The following NAA15 variants were observed in gnomAD, a reference collection of about 807,000 sequenced individuals.
NAA15 encodes the protein N-terminal acetyltransferase.
NAA15 carries 34 observed loss-of-function variants against 114.0 expected under a neutral mutation model. That is an observed-to-expected ratio of 0.30 (90% CI 0.23 to 0.40). NAA15 has a LOEUF of 0.40. Ranked by LOEUF, NAA15 falls within the 10% of genes least tolerant of loss-of-function variation. NAA15 has a pLI of 1.00. For missense variants in NAA15, 658 were observed against 1,004.5 expected (o/e 0.66, Z 4.66); for synonymous variants, 340 against 338.0 (o/e 1.01, Z -0.06).
At chr4:139,346,579 T>G (rs1224835062) in intron 6 of NAA15, among the ~76,000 whole-genome samples, 2 of 151,962 alleles carry the variant, frequency 1.3e-5, no homozygotes, top group Non-Finnish European at 2.9e-5. Flanking sequence ...AGATGGAGTT[T>G]CACTCTTGTT....
chr4:139,381,816 T>A (rs1748763992), intron 17 of NAA15, among the ~76,000 whole-genome samples: 1 of 152,182 alleles, frequency 6.6e-6, no homozygotes, highest in Non-Finnish European at 1.5e-5. Flanking sequence ...TTATTCATTC[T>A]GTTAATAAGC....
At chr4:139,341,125 T>G (rs1013769789) in intron 4 of NAA15, 56 bp downstream of exon 4, 30 of 1,229,406 alleles carry the variant, frequency 2.4e-5, no homozygotes, top group Non-Finnish European at 3.1e-5. Context: ...TGTACAACTT[T>G]GAGTACTTTC....
intron 3 of NAA15, 84 bp from the exon 4 acceptor site, chr4:139,340,828 G>C: frequency 9.7e-7 from 1 of 1,030,956 alleles, no homozygotes; most frequent in Non-Finnish European, 1.4e-6. Flanking sequence ...TTTATAAATG[G>C]CTGTGGTTCT....
chr4:139,316,287 C>T (rs1002608601), intron 1 of NAA15, among the ~76,000 whole-genome samples: 3 of 151,838 alleles, frequency 2.0e-5, no homozygotes, highest in Non-Finnish European at 4.4e-5. Context: ...ACATCTACCA[C>T]CTGTTCTGTC....
intron 14 of NAA15, among the ~76,000 whole-genome samples, chr4:139,365,975 A>G (rs769492027): frequency 1.1e-4 from 17 of 151,844 alleles, no homozygotes; most frequent in Admixed American, 1.1e-3. Context: ...CCATCCATTT[A>G]TAGTTTTGTG....
intron 1 of NAA15, among the ~76,000 whole-genome samples, chr4:139,315,056 T>TTAGG (rs1560953050): frequency 0.035 from 1,446 of 40,874 alleles, 72 homozygotes; most frequent in East Asian, 0.056. Context: ...GTTAGGTTAG[T>TTAGG]TTAGTTTAGT....
intron 16 of NAA15, among the ~76,000 whole-genome samples, chr4:139,377,962 C>A (rs555143803): frequency 6.6e-6 from 1 of 152,290 alleles, no homozygotes; most frequent in African/African-American, 2.4e-5. Context: ...GTCCTAACCT[C>A]TAAAGGACCC....
chr4:139,354,190 C>A, intron 10 of NAA15, 92 bp downstream of exon 10: 1 of 936,206 alleles, frequency 1.1e-6, no homozygotes, highest in Non-Finnish European at 1.7e-6. Flanking sequence ...ATTACTTAGG[C>A]AGTAAGCACA....
intron 15 of NAA15, among the ~76,000 whole-genome samples, chr4:139,374,693 T>C (rs563013006): frequency 1.3e-5 from 2 of 152,172 alleles, no homozygotes; most frequent in Non-Finnish European, 2.9e-5. Flanking sequence ...TATGAGTAAA[T>C]ATAGAGTGTA....
At chr4:139,359,990 A>G (rs1748082431) in intron 12 of NAA15, 95 bp downstream of exon 12, 1 of 1,189,988 alleles carries the variant, frequency 8.4e-7, no homozygotes. Context: ...TGTCTTTAAT[A>G]TTTTTGACAC....
chr4:139,302,111 C>T (rs1264463797), intron 1 of NAA15: 1 of 371,866 alleles, frequency 2.7e-6, no homozygotes. Flanking sequence ...TTCTCATTCT[C>T]CCCGATCTGG....
chr4:139,339,558 G>A (rs1747317792), intron 3 of NAA15, among the ~76,000 whole-genome samples: 1 of 151,980 alleles, frequency 6.6e-6, no homozygotes, highest in African/African-American at 2.4e-5. Context: ...AGACCATCCT[G>A]GCCAACATGG....
At chr4:139,304,460 G>A (rs1745939604) in intron 1 of NAA15, among the ~76,000 whole-genome samples, 1 of 152,178 alleles carries the variant, frequency 6.6e-6, no homozygotes, top group Admixed American at 6.5e-5. Context: ...GGTATCTGTC[G>A]GGGGTTGATT....
chr4:139,371,571 A>G (rs1178628794), intron 15 of NAA15, among the ~76,000 whole-genome samples: 4 of 150,684 alleles, frequency 2.7e-5, no homozygotes, highest in African/African-American at 9.7e-5. Flanking sequence ...GTTGGATTCT[A>G]CAAGGATTTA....
chr4:139,359,679 A>G, intron 11 of NAA15, 64 bp from the exon 12 acceptor site: 5 of 1,476,766 alleles, frequency 3.4e-6, no homozygotes, highest in Non-Finnish European at 4.6e-6. Flanking sequence ...TCAACAGATA[A>G]TGAATTACCT....
chr4:139,351,855 T>G (rs1471021357), intron 9 of NAA15, among the ~76,000 whole-genome samples: 1 of 152,160 alleles, frequency 6.6e-6, no homozygotes, highest in African/African-American at 2.4e-5. Flanking sequence ...AATGAGTCAC[T>G]GTAGGTTATA....
rs1443109835 is a variant in NAA15 at position 139,388,812 on chromosome 4, A to G, written c.*728A>G. The G allele has an allele frequency of 6.6e-6, 1 of 152,670 alleles. No individual in the cohort carries two copies. The highest frequency in any genetic ancestry group is 1.5e-5 in the Non-Finnish European group (1 of 68,048). 9.5% of individuals were successfully genotyped at this position (152,670 alleles called of 1,614,324 possible). A position where few individuals can be genotyped will look rare whatever the true frequency, so the allele number is the denominator to read the frequency against. On this transcript the variant is annotated 3_prime_UTR_variant, in exon 20 of 20. Transcript: ENST00000296543. Reference sequence around the variant, plus strand: ...TAAAACTTGAAGAACTAAAACAACAATGCAAACCTTTCAGCATTGTTTGGC... The same window carrying G: ...TAAAACTTGAAGAACTAAAACAACAGTGCAAACCTTTCAGCATTGTTTGGC...
chr4:139,310,475 TTG>T (rs1397150557), intron 1 of NAA15, among the ~76,000 whole-genome samples: 1 of 151,594 alleles, frequency 6.6e-6, no homozygotes, highest in African/African-American at 2.4e-5. Context: ...AAAAACATTT[TTG>T]GACATAAAAA....
At chr4:139,368,315 G>A (rs1443988125) in intron 14 of NAA15, among the ~76,000 whole-genome samples, 1 of 152,216 alleles carries the variant, frequency 6.6e-6, no homozygotes, top group African/African-American at 2.4e-5. Flanking sequence ...GGTGGTTCAT[G>A]CCTGTAGTCC....
Sources: allele counts gnomAD v4.1 joint callset (sites outside exome capture counted in the v4.1 genomes callset), GRCh38; gene constraint gnomAD v4.1.1; transcripts MANE v1.5; gene names NCBI Gene and HGNC (gene_info 2026-07-23, HGNC 2026-07-21).